Variants in UNC5C observed in about 807,000 individuals in gnomAD.
UNC5C encodes the protein unc-5 netrin receptor C, also known as netrin receptor UNC5C.
UNC5C carries 47 observed loss-of-function variants against 99.8 expected under a neutral mutation model. The observed-to-expected ratio is 0.47, with a 90% CI of 0.37 to 0.60. The LOEUF is 0.60. UNC5C is among the 20% of genes least tolerant of loss of function. The probability of loss-of-function intolerance (pLI) is 0.00; values close to 1 mark genes in which losing one functional copy is unlikely to be tolerated. For synonymous variants in UNC5C, 487 were observed against 452.2 expected, an observed-to-expected ratio of 1.08 and a Z score of -0.98; for missense variants, 1,062 against 1,165.9, an observed-to-expected ratio of 0.91 and a Z score of 1.30.
chr4:95,242,430 C>T lies in UNC5C; in HGVS notation c.1107G>A (p.Gln369=), dbSNP rs764412017. 1.9e-6 allele frequency: 3 copies of T among 1,614,154 alleles called. No individual in the cohort carries two copies. The highest frequency in any genetic ancestry group is 3.3e-5 in the Admixed American group (2 of 60,026). ...TGCAGTTTGCTTAAATTGACTTACT[C>T]TGCATGCAAAGCCCATCAGTGCAGT... ...SKNCTDGLCM[Q]TAPDSDDVAL... Residue 369 remains glutamine (Q), a splice_region_variant and synonymous_variant, in exon 7 of 16, where the codon CAG becomes CAA. Coordinates refer to ENST00000453304, the MANE Select transcript of UNC5C (RefSeq NM_003728.4).
intron 4 of UNC5C, among the ~76,000 whole-genome samples, chr4:95,270,793 A>T (rs1356464307): frequency 3.3e-5 from 5 of 152,254 alleles, no homozygotes; most frequent in Non-Finnish European, 7.3e-5. Context: ...ATGTCATTGA[A>T]GTGTCCGTAA....
At position 95,168,786 on chromosome 4, in the gene UNC5C, A is replaced by G. The variant is rs946827310; in HGVS notation, c.*448T>C. Reference sequence around the variant, plus strand: ...CTGAAATAGACACAACAAACCGTCCACAGCTTCAACTTCAAATGATTTGAA... The same window carrying G: ...CTGAAATAGACACAACAAACCGTCCGCAGCTTCAACTTCAAATGATTTGAA... On this transcript the variant is annotated 3_prime_UTR_variant, in exon 16 of 16. Transcript: ENST00000453304. The G allele has an allele frequency of 2.6e-5, 4 of 155,372 alleles. No homozygotes were observed. Among genetic ancestry groups the G allele is most frequent in the Non-Finnish European group, 5.7e-5 (4 of 69,682 alleles). The allele number at this position is 155,372 out of a possible 1,614,324, so 9.6% of individuals were successfully genotyped here.
chr4:95,475,246 C>T lies in UNC5C; in HGVS notation c.124+73488G>A, dbSNP rs189294679. Among the ~76,000 whole-genome samples, 479 of 152,036 alleles carry T rather than the reference C, an allele frequency of 3.2e-3. 1 individual carries two copies. The highest frequency in any genetic ancestry group is 5.3e-3 in the Non-Finnish European group (358 of 67,960). On this transcript the variant is annotated intron_variant, in intron 1 of 15. Transcript: ENST00000453304. ...TAAGATGATGAAAACCACTGGGGAC[C>T]CCATGAAAGATCCACATTATTGAAG...
At chr4:95,389,029 A>G (rs527625698) in intron 1 of UNC5C, among the ~76,000 whole-genome samples, 1 of 152,308 alleles carries the variant, frequency 6.6e-6, no homozygotes, top group South Asian at 2.1e-4. Flanking sequence ...AAATGCTGCA[A>G]AAAGCTGCCC....
At position 95,242,414 on chromosome 4, in the gene UNC5C, C is replaced by T. The variant is rs770079836; in HGVS notation, c.1108+15G>A. On this transcript the variant is annotated intron_variant, in intron 7 of 15. Coordinates refer to ENST00000453304, the MANE Select transcript of UNC5C (RefSeq NM_003728.4). ...CAGCCCCCTCAATGTCTGCAGTTTGCTTAAATTGACTTACTCTGCATGCAA... is the reference window on the plus strand; with the variant it reads ...CAGCCCCCTCAATGTCTGCAGTTTGTTTAAATTGACTTACTCTGCATGCAA... The T allele has an allele frequency of 2.5e-6, 4 of 1,613,874 alleles. No homozygotes were observed. The East Asian group carries it at 8.9e-5, about 36-fold the overall frequency.
At chr4:95,248,999 C>CT (rs111561358) in intron 5 of UNC5C, among the ~76,000 whole-genome samples, 9,352 of 151,530 alleles carry the variant, frequency 0.062, 330 homozygotes, top group South Asian at 0.11. Flanking sequence ...ACAGGTTTAT[C>CT]TTTTTTTTTA....
At chr4:95,484,663 T>C (rs1188025496) in intron 1 of UNC5C, among the ~76,000 whole-genome samples, 1 of 151,832 alleles carries the variant, frequency 6.6e-6, no homozygotes, top group Non-Finnish European at 1.5e-5. Flanking sequence ...CATGCAAACA[T>C]AAAGTAGACA....
intron 3 of UNC5C, among the ~76,000 whole-genome samples, chr4:95,300,610 G>A (rs950847860): frequency 6.6e-6 from 1 of 152,178 alleles, no homozygotes; most frequent in Non-Finnish European, 1.5e-5. Flanking sequence ...ATATGCCATT[G>A]TAAGGATTGA....
chr4:95,344,909 G>T (rs1743713025), intron 1 of UNC5C, among the ~76,000 whole-genome samples: 1 of 151,900 alleles, frequency 6.6e-6, no homozygotes, highest in South Asian at 2.1e-4. Context: ...CTAAAAGGAA[G>T]ACAGGGAGAA....
intron 4 of UNC5C, among the ~76,000 whole-genome samples, chr4:95,263,308 TA>T (rs1251318485): frequency 6.6e-6 from 1 of 152,194 alleles, no homozygotes; most frequent in African/African-American, 2.4e-5. Context: ...TAATATTTTT[TA>T]GATACCAACA....
chr4:95,520,534 C>T (rs1193550590), intron 1 of UNC5C, among the ~76,000 whole-genome samples: 2 of 151,134 alleles, frequency 1.3e-5, no homozygotes, highest in Non-Finnish European at 2.9e-5. Flanking sequence ...AAAGAAGCTG[C>T]AATTTCTTGA....
At chr4:95,276,688 G>T (rs1740873291) in intron 4 of UNC5C, among the ~76,000 whole-genome samples, 1 of 152,008 alleles carries the variant, frequency 6.6e-6, no homozygotes, top group South Asian at 2.1e-4. Flanking sequence ...ATGAAATATT[G>T]AATAGAGAAG....
intron 1 of UNC5C, among the ~76,000 whole-genome samples, chr4:95,345,331 C>T (rs1743732020): frequency 6.6e-6 from 1 of 151,910 alleles, no homozygotes; most frequent in African/African-American, 2.4e-5. Flanking sequence ...ATTCATCCAA[C>T]ACTGGAGCAC....
chr4:95,374,250 A>G (rs997248003), intron 1 of UNC5C, among the ~76,000 whole-genome samples: 3 of 152,174 alleles, frequency 2.0e-5, no homozygotes, highest in Admixed American at 2.0e-4. Flanking sequence ...TAGATACTTC[A>G]AGGTTATATA....
At chr4:95,172,393 A>G (rs1736157209) in intron 14 of UNC5C, among the ~76,000 whole-genome samples, 1 of 151,486 alleles carries the variant, frequency 6.6e-6, no homozygotes, top group South Asian at 2.1e-4. Context: ...TATGTCTTTA[A>G]TCCATCTCGA....
chr4:95,521,000 G>A (rs1476344510), intron 1 of UNC5C, among the ~76,000 whole-genome samples: 1 of 151,928 alleles, frequency 6.6e-6, no homozygotes, highest in Non-Finnish European at 1.5e-5. Flanking sequence ...AAGAAACATT[G>A]TCTTAAATGG....
chr4:95,480,061 A>G (rs934771867), intron 1 of UNC5C, among the ~76,000 whole-genome samples: 36 of 151,408 alleles, frequency 2.4e-4, no homozygotes, highest in Non-Finnish European at 4.9e-4. Flanking sequence ...GTGTCTTGGA[A>G]CCTAGACTGG....
At chr4:95,501,280 T>G (rs1042369707) in intron 1 of UNC5C, among the ~76,000 whole-genome samples, 2 of 152,014 alleles carry the variant, frequency 1.3e-5, no homozygotes, top group African/African-American at 2.4e-5. Context: ...CTAGAGGCAT[T>G]TTTTTTATTG....
At chr4:95,182,479 G>A (rs1736651967) in intron 14 of UNC5C, among the ~76,000 whole-genome samples, 1 of 152,094 alleles carries the variant, frequency 6.6e-6, no homozygotes, top group African/African-American at 2.4e-5. Context: ...GTGATTAGGG[G>A]AAAGGGAGGA....
Sources: gnomAD v4.1 joint callset for allele counts (sites outside exome capture counted in the v4.1 genomes callset) on GRCh38, gnomAD v4.1.1 for gene constraint, MANE v1.5 for transcripts, NCBI Gene and HGNC (gene_info 2026-07-23, HGNC 2026-07-21) for gene names.